SCG5: variants seen among roughly 807,000 people sequenced by gnomAD.
The protein encoded by SCG5 is secretogranin V, also known as neuroendocrine protein 7B2.
SCG5 carries 18 observed loss-of-function variants against 25.7 expected under a neutral mutation model. The observed-to-expected ratio is 0.70, with a 90% CI of 0.48 to 1.04. The LOEUF is 1.04. Among genes scored for constraint, SCG5 ranks in the 50% least tolerant of loss-of-function variants. The pLI is 0.00. For synonymous variants in SCG5, 101 were observed against 91.7 expected (o/e 1.10, Z -0.58); for missense variants, 206 against 259.8 (o/e 0.79, Z 1.42).
At chr15:32,658,412 G>T (rs1205247004) in intron 2 of SCG5, among the ~76,000 whole-genome samples, 3 of 152,210 alleles carry the variant, frequency 2.0e-5, no homozygotes, top group Non-Finnish European at 4.4e-5. Context: ...TTGAGGACGG[G>T]TAGGATGTAG....
At chr15:32,674,008 C>G (rs544718918) in intron 2 of SCG5, among the ~76,000 whole-genome samples, 268 of 152,250 alleles carry the variant, frequency 1.8e-3, no homozygotes, top group Non-Finnish European at 2.9e-3. Context: ...TGTGAGCCAC[C>G]GCACCCGGCC....
chr15:32,695,405 G>A (rs2140622304), intron 5 of SCG5, among the ~76,000 whole-genome samples: 2 of 151,944 alleles, frequency 1.3e-5, no homozygotes, highest in Middle Eastern at 3.4e-3. Flanking sequence ...TCTTCTGCTT[G>A]CTAAATACTA....
At chr15:32,672,791 C>T (rs537173061) in intron 2 of SCG5, among the ~76,000 whole-genome samples, 12 of 152,080 alleles carry the variant, frequency 7.9e-5, no homozygotes, top group African/African-American at 2.7e-4. Flanking sequence ...AGGCAAGAAA[C>T]CTTTCCCCAG....
At chr15:32,663,188 A>G (rs2054267359) in intron 2 of SCG5, among the ~76,000 whole-genome samples, 1 of 151,082 alleles carries the variant, frequency 6.6e-6, no homozygotes, top group Non-Finnish European at 1.5e-5. Flanking sequence ...TATACAATTC[A>G]ACAATTTAAA....
At chr15:32,685,802 A>C (rs1013498509) in intron 4 of SCG5, among the ~76,000 whole-genome samples, 1 of 152,252 alleles carries the variant, frequency 6.6e-6, no homozygotes, top group Non-Finnish European at 1.5e-5. Flanking sequence ...GTAGGTGGCC[A>C]GTACGTCTGT....
chr15:32,641,826 A>G (rs2053865027), intron 1 of SCG5, 48 bp downstream of exon 1: 1 of 152,246 alleles, frequency 6.6e-6, no homozygotes, highest in Non-Finnish European at 1.5e-5. Context: ...CCAACCCGAG[A>G]TTTGGTATTG....
At chr15:32,680,295 A>G (rs113546660) in intron 3 of SCG5, among the ~76,000 whole-genome samples, 3,354 of 148,342 alleles carry the variant, frequency 0.023, 104 homozygotes, top group African/African-American at 0.072. Context: ...TCCCAGGTTC[A>G]TGCCATTCTC....
At position 32,674,153 on chromosome 15, in the gene SCG5, TTAAAG is replaced by T. The variant is rs1272259199; in HGVS notation, c.227-5610_227-5606del. On this transcript the variant is annotated intron_variant, in intron 2 of 5. Transcript: ENST00000300175. ...AGGCAAAGTCATATTCTCCTGCTGT[TTAAAG>T]TATTTACCTAATGTTCATAGTGGAA... Among the ~76,000 whole-genome samples, 69 of 152,336 alleles carry T rather than the reference TTAAAG, an allele frequency of 4.5e-4. 1 individual carries two copies. The highest frequency in any genetic ancestry group is 1.6e-3 in the African/African-American group (68 of 41,578).
chr15:32,695,449 C>T (rs2054940800), intron 5 of SCG5, among the ~76,000 whole-genome samples: 1 of 152,058 alleles, frequency 6.6e-6, no homozygotes, highest in African/African-American at 2.4e-5. Flanking sequence ...TTCGAATCCA[C>T]ACCTCAATAA....
At chr15:32,653,264 T>C (rs1279893217) in intron 2 of SCG5, among the ~76,000 whole-genome samples, 25 of 152,242 alleles carry the variant, frequency 1.6e-4, no homozygotes. Flanking sequence ...GAGTGAGATC[T>C]TTAGTCCATT....
intron 2 of SCG5, among the ~76,000 whole-genome samples, chr15:32,674,523 C>A (rs1447638547): frequency 6.6e-6 from 1 of 152,212 alleles, no homozygotes; most frequent in Non-Finnish European, 1.5e-5. Flanking sequence ...AACAACTGAT[C>A]TTCAAAATCA....
chr15:32,687,944 C>G (rs1396381619), intron 4 of SCG5, among the ~76,000 whole-genome samples: 1 of 151,946 alleles, frequency 6.6e-6, no homozygotes, highest in African/African-American at 2.4e-5. Flanking sequence ...ATTTATTGAC[C>G]ACATACTATA....
At chr15:32,654,462 GCCTGAGCTGGA>G (rs910781541) in intron 2 of SCG5, among the ~76,000 whole-genome samples, 11 of 152,202 alleles carry the variant, frequency 7.2e-5, no homozygotes, top group Admixed American at 7.2e-4. Context: ...TGGGATCAGA[GCCTGAGCTGGA>G]CCCCGGTGTT....
intron 4 of SCG5, among the ~76,000 whole-genome samples, chr15:32,686,082 CA>C (rs1203249731): frequency 1.3e-5 from 2 of 152,196 alleles, no homozygotes; most frequent in Admixed American, 1.3e-4. Flanking sequence ...TGTCTTAAAA[CA>C]ACAAAGCAAC....
At chr15:32,683,487 C>G (rs12441136) in intron 3 of SCG5, among the ~76,000 whole-genome samples, 53,724 of 152,010 alleles carry the variant, frequency 0.35, 9,969 homozygotes, top group East Asian at 0.65. Flanking sequence ...TCTTTGGTTT[C>G]AATGGAAAAC....
chr15:32,659,062 G>A (rs1247394672), intron 2 of SCG5, among the ~76,000 whole-genome samples: 2 of 152,122 alleles, frequency 1.3e-5, no homozygotes, highest in East Asian at 3.9e-4. Context: ...TGTAGTCCCA[G>A]CTACTCGGGA....
chr15:32,682,511 A>G (rs1296713023), intron 3 of SCG5, among the ~76,000 whole-genome samples: 1 of 152,214 alleles, frequency 6.6e-6, no homozygotes, highest in Non-Finnish European at 1.5e-5. Context: ...GACCTGTGGA[A>G]TCAAGCTCTA....
At chr15:32,667,198 TAGA>T (rs2054333860) in intron 2 of SCG5, among the ~76,000 whole-genome samples, 1 of 152,206 alleles carries the variant, frequency 6.6e-6, no homozygotes, top group South Asian at 2.1e-4. Context: ...TCTATTTCTA[TAGA>T]ACAGCACTGC....
chr15:32,649,760 C>T lies in SCG5; in HGVS notation c.226+5942C>T, dbSNP rs145914099. On this transcript the variant is annotated intron_variant, in intron 2 of 5. Transcript: ENST00000300175. ...TCCAAAGCAAATAAAAACACAAAGA[C>T]AAACAGGGACCTACTTGGCATTACA... 1.8e-3 allele frequency among the ~76,000 whole-genome samples: 269 copies of T among 152,062 alleles called. 1 individual carries two copies. The highest frequency in any genetic ancestry group is 3.0e-3 in the Non-Finnish European group (205 of 67,978).
Sources: gnomAD v4.1 joint callset for allele counts (sites outside exome capture counted in the v4.1 genomes callset) on GRCh38, gnomAD v4.1.1 for gene constraint, MANE v1.5 for transcripts, NCBI Gene and HGNC (gene_info 2026-07-23, HGNC 2026-07-21) for gene names.